Variants in CPSF2 observed in about 807,000 individuals in gnomAD.
CPSF2 encodes the protein cleavage and polyadenylation specificity factor subunit 2.
In CPSF2, 51 loss-of-function variants were observed where a neutral mutation model predicts 84.2. The ratio of observed to expected loss-of-function variants is 0.61; its 90% confidence interval spans 0.48 to 0.77. The LOEUF (loss-of-function observed/expected upper bound fraction) is 0.77. CPSF2 is among the 30% of genes least tolerant of loss of function. The probability of loss-of-function intolerance (pLI) is 0.00; values close to 1 mark genes in which losing one functional copy is unlikely to be tolerated. For missense variants in CPSF2, 641 were observed against 929.4 expected, an observed-to-expected ratio of 0.69 and a Z score of 4.03; for synonymous variants, 286 against 311.9, an observed-to-expected ratio of 0.92 and a Z score of 0.87.
rs866227913 is a variant in CPSF2, at chr14:92,164,062, C to G, written c.*2318C>G. 6.5e-6 allele frequency: 1 copy of G among 152,806 alleles called. No homozygotes were observed. The highest frequency in any genetic ancestry group is 2.4e-5 in the African/African-American group (1 of 41,448). 9.5% of individuals were successfully genotyped at this position (152,806 alleles called of 1,614,324 possible). A position where few individuals can be genotyped will look rare whatever the true frequency, so the allele number is the denominator to read the frequency against. On this transcript the variant is annotated 3_prime_UTR_variant, in exon 16 of 16. Transcript: ENST00000298875. ...TGATGGTTTTGTAAGGGAATTTTCCCCCTTTGCTTGGCACTTCTTCCTGCT... is the reference window on the plus strand; with the variant it reads ...TGATGGTTTTGTAAGGGAATTTTCCGCCTTTGCTTGGCACTTCTTCCTGCT...
chr14:92,159,237 A>C lies in CPSF2; in HGVS notation c.2076A>C (p.Glu692Asp), dbSNP rs751066616. The part of the protein sequence containing the change: ...LFGDDEKETG[E>D]ESEIIPTLEP... The stretch of plus-strand genomic sequence containing the variant: ...GAGATGATGAAAAAGAAACAGGTGA[A>C]GAAAGTGAGATCATTCCTACTTTGG... The change falls in exon 14 of 16, where the codon GAA (glutamate) becomes GAC (aspartate). Residue 692 changes from glutamate (E) to aspartate (D), a missense_variant. By Grantham distance (45) the Glu-to-Asp change is conservative. Coordinates refer to ENST00000298875, the MANE Select transcript of CPSF2 (RefSeq NM_017437.3). The C allele has an allele frequency of 1.9e-6, 3 of 1,612,486 alleles. No homozygotes were observed. Among genetic ancestry groups the C allele is most frequent in the Non-Finnish European group, 2.5e-6 (3 of 1,179,098 alleles).
chr14:92,145,033 C>T (rs1306685134), intron 9 of CPSF2, among the ~76,000 whole-genome samples: 1 of 152,182 alleles, frequency 6.6e-6, no homozygotes, highest in East Asian at 1.9e-4. Context: ...AGATCATTTG[C>T]TTAATAACCA....
chr14:92,123,536 T>A (rs1307471729), intron 1 of CPSF2, among the ~76,000 whole-genome samples: 1 of 152,084 alleles, frequency 6.6e-6, no homozygotes, highest in Non-Finnish European at 1.5e-5. Flanking sequence ...GTAGCTGGGG[T>A]CACCAGCGCA....
In CPSF2 at chr14:92,131,041, T is replaced by G. The variant is rs1567016755; in HGVS notation, c.57T>G (p.Leu19=). The stretch of plus-strand genomic sequence containing the variant: ...CTGGGGTCCAAGAAGAATCTGCCCT[T>G]TGCTATCTTCTCCAAGTTGATGAGT... ...TLSGVQEESA[L]CYLLQVDEFR... The change falls in exon 3 of 16, where the codon CTT becomes CTG. Residue 19 remains leucine, a synonymous_variant. Transcript: ENST00000298875. 6.2e-7 allele frequency: 1 copy of G among 1,613,098 alleles called. No individual in the cohort carries two copies. Among genetic ancestry groups the G allele is most frequent in the Non-Finnish European group, 8.5e-7 (1 of 1,179,552 alleles).
intron 7 of CPSF2, among the ~76,000 whole-genome samples, chr14:92,139,736 G>A (rs562235532): frequency 4.7e-4 from 71 of 149,956 alleles, no homozygotes; most frequent in African/African-American, 1.6e-3. Flanking sequence ...ATGGGGTTTC[G>A]CCATGTTGGC....
chr14:92,124,530 TAGTC>T (rs1461426799), intron 1 of CPSF2, among the ~76,000 whole-genome samples: 1 of 152,178 alleles, frequency 6.6e-6, no homozygotes. Context: ...TATTAAAACT[TAGTC>T]TGAGACATGT....
In CPSF2 at chr14:92,157,892, T is replaced by A; in HGVS notation, c.1821+8T>A. ...GAAACTCACATCTACCAGGTAAACA[T>A]GCCAGGAGTTGCCATTGAGTAGAAA... On this transcript the variant is annotated splice_region_variant and intron_variant, in intron 13 of 15. Coordinates refer to ENST00000298875, the MANE Select transcript of CPSF2 (RefSeq NM_017437.3). The surrounding 1 kb of genome is among the most constrained non-coding windows in gnomAD (Gnocchi z 4.0). 6.3e-7 allele frequency: 1 copy of A among 1,574,906 alleles called. No homozygotes were observed. Among genetic ancestry groups the A allele is most frequent in the Non-Finnish European group, 8.7e-7 (1 of 1,144,424 alleles).
At chr14:92,141,034 A>C (rs1156872772) in intron 7 of CPSF2, among the ~76,000 whole-genome samples, 1 of 152,220 alleles carries the variant, frequency 6.6e-6, no homozygotes, top group East Asian at 1.9e-4. Flanking sequence ...AAATCCATAA[A>C]GATATACTTG....
chr14:92,145,404 C>T (rs1335060914), intron 9 of CPSF2, among the ~76,000 whole-genome samples: 3 of 152,146 alleles, frequency 2.0e-5, no homozygotes, highest in African/African-American at 7.2e-5. Context: ...AACCACTGCA[C>T]CTGGCCCTTA....
rs1250560529 is a variant in CPSF2, at chr14:92,157,173, T to C, written c.1596-486T>C. ...ACAAAGTTTTTTATTTGTCCAGTAA[T>C]ATCATTTAGTATATATTTTTGGGTG... On this transcript the variant is annotated intron_variant, in intron 12 of 15. Transcript: ENST00000298875. The surrounding 1 kb of genome is among the most constrained non-coding windows in gnomAD (Gnocchi z 4.0). Among the ~76,000 whole-genome samples the C allele has an allele frequency of 6.6e-6, 1 of 152,194 alleles. No homozygotes were observed. Among genetic ancestry groups the C allele is most frequent in the Non-Finnish European group, 1.5e-5 (1 of 68,034 alleles).
intron 1 of CPSF2, 100 bp from the exon 2 acceptor site, chr14:92,126,022 T>C (rs2068841794): frequency 6.6e-6 from 1 of 152,244 alleles, no homozygotes; most frequent in African/African-American, 2.4e-5. Context: ...TACTTGCTGC[T>C]GCTCCTGATG....
intron 9 of CPSF2, among the ~76,000 whole-genome samples, chr14:92,152,748 A>C (rs1396743191): frequency 3.3e-5 from 5 of 152,124 alleles, no homozygotes; most frequent in African/African-American, 1.2e-4. Flanking sequence ...TGGTTTTATT[A>C]TTTTTTAAAT....
chr14:92,155,377 T>A, intron 11 of CPSF2, 54 bp downstream of exon 11: 3 of 1,386,290 alleles, frequency 2.2e-6, no homozygotes, highest in Non-Finnish European at 3.1e-6. Flanking sequence ...ATTAACTGTG[T>A]TATCATTTCA....
At chr14:92,127,471 A>G (rs2068857867) in intron 2 of CPSF2, among the ~76,000 whole-genome samples, 1 of 152,210 alleles carries the variant, frequency 6.6e-6, no homozygotes, top group Non-Finnish European at 1.5e-5. Context: ...AAGCCAATGG[A>G]CATTTCTCTG....
At position 92,157,747 on chromosome 14, in the gene CPSF2, A is replaced by C; in HGVS notation, c.1684A>C (p.Ile562Leu). The C allele has an allele frequency of 6.2e-7, 1 of 1,614,118 alleles. No individual in the cohort carries two copies. The highest frequency in any genetic ancestry group is 8.5e-7 in the Non-Finnish European group (1 of 1,179,982). ...IINQMKPRQL[I>L]IVHGPPEASQ... ...TAATCAGATGAAACCACGACAGTTGATCATCGTCCATGGCCCACCAGAGGC... is the reference window on the plus strand; with the variant it reads ...TAATCAGATGAAACCACGACAGTTGCTCATCGTCCATGGCCCACCAGAGGC... The change falls in exon 13 of 16, where the codon ATC becomes CTC. Residue 562 changes from isoleucine (I) to leucine (L), a missense_variant. Physicochemically the swap from Ile to Leu is conservative, Grantham distance 5. Coordinates refer to ENST00000298875, the MANE Select transcript of CPSF2 (RefSeq NM_017437.3). This position sits in a 1 kb window ranked among gnomAD's most constrained non-coding sequence, Gnocchi z 4.0.
chr14:92,122,500 C>CT (rs2068785000), intron 1 of CPSF2: 1 of 158,056 alleles, frequency 6.3e-6, no homozygotes, highest in Non-Finnish European at 1.4e-5. Flanking sequence ...TGCTCGGGCT[C>CT]TTCCCGTCGT....
At position 92,157,929 on chromosome 14, in the gene CPSF2, T is replaced by G. The variant is rs964580060; in HGVS notation, c.1821+45T>G. ...CCATTGAGTAGAAATAAGTACTTTTTGTTGCAGGTTAGGACAGATAACATT... is the reference window on the plus strand; with the variant it reads ...CCATTGAGTAGAAATAAGTACTTTTGGTTGCAGGTTAGGACAGATAACATT... On this transcript the variant is annotated intron_variant, in intron 13 of 15. Transcript: ENST00000298875. This position sits in a 1 kb window ranked among gnomAD's most constrained non-coding sequence, Gnocchi z 4.0. The G allele has an allele frequency of 3.7e-6, 5 of 1,345,898 alleles. No individual in the cohort carries two copies. The highest frequency in any genetic ancestry group is 5.3e-6 in the Non-Finnish European group (5 of 936,972). The allele number at this position is 1,345,898 out of a possible 1,614,324, so 83.4% of individuals were successfully genotyped here. A position where few individuals can be genotyped will look rare whatever the true frequency, so the allele number is the denominator to read the frequency against.
intron 3 of CPSF2, among the ~76,000 whole-genome samples, chr14:92,132,818 C>T (rs1244028811): frequency 3.3e-5 from 5 of 151,476 alleles, no homozygotes; most frequent in African/African-American, 9.7e-5. Flanking sequence ...AGGCTGGGTG[C>T]GGTGGCTCAT....
At chr14:92,127,366 A>G (rs1251192609) in intron 2 of CPSF2, among the ~76,000 whole-genome samples, 2 of 152,232 alleles carry the variant, frequency 1.3e-5, no homozygotes, top group Admixed American at 1.3e-4. Context: ...GTCACAGTGA[A>G]GAGAGAAGAA....
Sources: allele counts gnomAD v4.1 joint callset (sites outside exome capture counted in the v4.1 genomes callset), GRCh38; gene constraint gnomAD v4.1.1; non-coding constraint Gnocchi (gnomAD v3.1); transcripts MANE v1.5; gene names NCBI Gene and HGNC (gene_info 2026-07-23, HGNC 2026-07-21).